The following ABLIM2 variants were observed in gnomAD, a reference collection of about 807,000 sequenced individuals.
ABLIM2 encodes actin-binding LIM protein 2.
Under a neutral mutation model 97.7 loss-of-function variants are expected in ABLIM2, and 53 were observed. That is an observed-to-expected ratio of 0.54 (90% CI 0.44 to 0.68). ABLIM2 has a LOEUF of 0.68. Ranked by LOEUF, ABLIM2 falls within the 30% of genes least tolerant of loss-of-function variation. The pLI is 0.00. For missense variants in ABLIM2, 835 were observed against 867.2 expected (o/e 0.96, Z 0.47); for synonymous variants, 361 against 345.8 (o/e 1.04, Z -0.49).
At position 8,123,020 on chromosome 4, in the gene ABLIM2, A is replaced by G. The variant is rs372249069; in HGVS notation, c.11-16383T>C. On this transcript the variant is annotated intron_variant, in intron 1 of 20. Transcript: ENST00000447017. The surrounding 1 kb of genome is among the most constrained non-coding windows in gnomAD (Gnocchi z 6.2). ...CCTCCCCTGGCGTTCCCACTCTGCA[A>G]GCCTCCTTCCTATCTGCTGCTGCTC... Among the ~76,000 whole-genome samples the G allele has an allele frequency of 6.6e-6, 1 of 152,136 alleles. No individual in the cohort carries two copies. The highest frequency in any genetic ancestry group is 1.5e-5 in the Non-Finnish European group (1 of 68,012).
chr4:8,117,002 G>A (rs1247077792), intron 1 of ABLIM2, among the ~76,000 whole-genome samples: 1 of 152,184 alleles, frequency 6.6e-6, no homozygotes, highest in Non-Finnish European at 1.5e-5. Context: ...GGCGACGCCT[G>A]GTCTCCTCAC....
In ABLIM2 at chr4:8,113,040, G is replaced by A. The variant is rs868591472; in HGVS notation, c.11-6403C>T. Among the ~76,000 whole-genome samples, 23 of 152,190 alleles carry A rather than the reference G, an allele frequency of 1.5e-4. No individual in the cohort carries two copies. The highest frequency in any genetic ancestry group is 2.1e-4 in the Non-Finnish European group (14 of 68,028). On this transcript the variant is annotated intron_variant, in intron 1 of 20. Coordinates refer to ENST00000447017, the MANE Select transcript of ABLIM2 (RefSeq NM_001130083.2). The surrounding 1 kb of genome is among the most constrained non-coding windows in gnomAD (Gnocchi z 4.5). ...GGGCAAACTCCTCTTTCTGTCCAGCGAACCAGCTCTCACGACCCAGACAGC... is the reference window on the plus strand; with the variant it reads ...GGGCAAACTCCTCTTTCTGTCCAGCAAACCAGCTCTCACGACCCAGACAGC...
chr4:8,079,788 C>T (rs1479996328), intron 5 of ABLIM2, among the ~76,000 whole-genome samples: 1 of 152,174 alleles, frequency 6.6e-6, no homozygotes, highest in African/African-American at 2.4e-5. Flanking sequence ...GCGCGCCTCA[C>T]TCCATGCAGT....
chr4:8,040,182 G>A (rs1787426914), intron 9 of ABLIM2, among the ~76,000 whole-genome samples: 1 of 152,166 alleles, frequency 6.6e-6, no homozygotes, highest in Non-Finnish European at 1.5e-5. Context: ...AGCAGGCAGG[G>A]GTGGGCAGCT....
rs1820298589 is a variant in ABLIM2 at position 8,082,140 on chromosome 4, T to C, written c.455-1338A>G. ...AGAGGGTGTCTGACAAACAGGGCCT[T>C]GCCGCCTGCAGGAGCCCCTGAGTAA... On this transcript the variant is annotated intron_variant, in intron 4 of 20. Coordinates refer to ENST00000447017, the MANE Select transcript of ABLIM2 (RefSeq NM_001130083.2). The surrounding 1 kb of genome is among the most constrained non-coding windows in gnomAD (Gnocchi z 5.6). Among the ~76,000 whole-genome samples, 1 of 152,058 alleles carries C rather than the reference T, an allele frequency of 6.6e-6. No homozygotes were observed.
In ABLIM2 at chr4:8,061,156, C is replaced by A. The variant is rs755479689; in HGVS notation, c.676-102G>T. The A allele has an allele frequency of 4.1e-6, 4 of 969,140 alleles. No individual in the cohort carries two copies. Among genetic ancestry groups the A allele is most frequent in the Non-Finnish European group, 6.3e-6 (4 of 638,814 alleles). 60.0% of individuals were successfully genotyped at this position (969,140 alleles called of 1,614,324 possible). A position where few individuals can be genotyped will look rare whatever the true frequency, so the allele number is the denominator to read the frequency against. ...ACAGCATGCCCTGAGCACAGGTACT[C>A]AGGGGATACTGGAAGGGCCAGCCCC... On this transcript the variant is annotated intron_variant, in intron 6 of 20. Coordinates refer to ENST00000447017, the MANE Select transcript of ABLIM2 (RefSeq NM_001130083.2). The surrounding 1 kb of genome is among the most constrained non-coding windows in gnomAD (Gnocchi z 4.5).
chr4:8,059,521 G>A (rs1388458860), intron 7 of ABLIM2, among the ~76,000 whole-genome samples: 2 of 151,580 alleles, frequency 1.3e-5, no homozygotes, highest in African/African-American at 2.4e-5. Flanking sequence ...CCTGTCCCCC[G>A]GCCCCCCCAC....
Position 8,095,033 on chromosome 4 carries a change from T to TTTCC in ABLIM2, c.338+2062_338+2065dup, listed in dbSNP as rs1021566411. 1.5e-5 allele frequency among the ~76,000 whole-genome samples: 2 copies of TTTCC among 135,292 alleles called. No individual in the cohort carries two copies. The highest frequency in any genetic ancestry group is 7.6e-5 in the Admixed American group (1 of 13,094). 88.8% of individuals were successfully genotyped at this position (135,292 alleles called of 152,430 possible). A position where few individuals can be genotyped will look rare whatever the true frequency, so the allele number is the denominator to read the frequency against. Reference sequence around the variant, plus strand: ...TTCTCTCTCTCTCTCCCCCCACTTCTTTCCTTCCTTCCTTCTTTCTTTCTT... The same window carrying TTTCC: ...TTCTCTCTCTCTCTCCCCCCACTTCTTTCCTTCCTTCCTTCCTTCTTTCTTTCTT... On this transcript the variant is annotated intron_variant, in intron 3 of 20. Transcript: ENST00000447017. The surrounding 1 kb of genome is among the most constrained non-coding windows in gnomAD (Gnocchi z 4.7).
Position 8,001,420 on chromosome 4 carries a change from C to G in ABLIM2, c.1618+6639G>C, listed in dbSNP as rs1055531888. On this transcript the variant is annotated intron_variant, in intron 16 of 20. Coordinates refer to ENST00000447017, the MANE Select transcript of ABLIM2 (RefSeq NM_001130083.2). This position sits in a 1 kb window ranked among gnomAD's most constrained non-coding sequence, Gnocchi z 4.2. ...TTCCGGCTGAAGGCTAGTCCCCAGG[C>G]AACCCAACGGCAGCGGCTGCTCCCT... Among the ~76,000 whole-genome samples, 2 of 152,148 alleles carry G rather than the reference C, an allele frequency of 1.3e-5. No homozygotes were observed. Among genetic ancestry groups the G allele is most frequent in the African/African-American group, 2.4e-5 (1 of 41,446 alleles).
In ABLIM2 at chr4:8,113,977, G is replaced by A. The variant is rs1299274851; in HGVS notation, c.11-7340C>T. Among the ~76,000 whole-genome samples, 1 of 152,032 alleles carries A rather than the reference G, an allele frequency of 6.6e-6. No homozygotes were observed. The highest frequency in any genetic ancestry group is 1.5e-5 in the Non-Finnish European group (1 of 68,016). ...TACAATCAGGGAGGGCTTCTGGGAG[G>A]AGGTGACATAAACTAGAAGCTCAGA... On this transcript the variant is annotated intron_variant, in intron 1 of 20. Transcript: ENST00000447017. The surrounding 1 kb of genome is among the most constrained non-coding windows in gnomAD (Gnocchi z 4.5).
rs1235026938 is a variant in ABLIM2, at chr4:7,986,689, T to C, written c.1681-1796A>G. ...TTCACAAAGAATTTCTTTTTTTTCT[T>C]TGAGACAGAGTCTTGCTCTGTCAGC... On this transcript the variant is annotated intron_variant, in intron 17 of 20. Coordinates refer to ENST00000447017, the MANE Select transcript of ABLIM2 (RefSeq NM_001130083.2). The surrounding 1 kb of genome is among the most constrained non-coding windows in gnomAD (Gnocchi z 4.3). 1.3e-5 allele frequency among the ~76,000 whole-genome samples: 2 copies of C among 152,140 alleles called. No homozygotes were observed. The highest frequency in any genetic ancestry group is 6.5e-5 in the Admixed American group (1 of 15,276).
chr4:8,105,427 G>A (rs1460298013), intron 2 of ABLIM2, among the ~76,000 whole-genome samples: 1 of 152,228 alleles, frequency 6.6e-6, no homozygotes, highest in Non-Finnish European at 1.5e-5. Flanking sequence ...AGAGCCTGGC[G>A]CACAGCAGGG....
chr4:8,055,859 T>C (rs150409160), intron 7 of ABLIM2, among the ~76,000 whole-genome samples: 7 of 152,230 alleles, frequency 4.6e-5, no homozygotes, highest in Admixed American at 6.5e-5. Context: ...ACGCCTGTAA[T>C]CCCAGCACTT....
Position 8,048,042 on chromosome 4 carries a change from T to C in ABLIM2, c.823-2801A>G, listed in dbSNP as rs577179765. On this transcript the variant is annotated intron_variant, in intron 8 of 20. Transcript: ENST00000447017. ...CATATGGGAGGGAGGGAGCGTTGGC[T>C]GGTTTCAGCACGGGGCCAGGGGCCA... Among the ~76,000 whole-genome samples the C allele has an allele frequency of 1.1e-4, 17 of 152,342 alleles. No individual in the cohort carries two copies. The East Asian group carries it at 3.3e-3, about 29-fold the overall frequency.
intron 7 of ABLIM2, among the ~76,000 whole-genome samples, chr4:8,060,689 C>T (rs1802406864): frequency 3.3e-5 from 5 of 152,184 alleles, no homozygotes; most frequent in Admixed American, 3.3e-4. Flanking sequence ...TACTTGGAGC[C>T]AAATAGCCAG....
intron 8 of ABLIM2, among the ~76,000 whole-genome samples, chr4:8,050,410 G>C (rs571834590): frequency 6.6e-6 from 1 of 152,256 alleles, no homozygotes; most frequent in Non-Finnish European, 1.5e-5. Context: ...CCTTTCCTGG[G>C]GCCAGGTGCT....
In ABLIM2 at chr4:8,150,997, G is replaced by T. The variant is rs902894361; in HGVS notation, c.10+7683C>A. ...CTGCCCGTTCCCTGGTGCCTGCCGTGCCCAGGCCCTTGACTCTCACTCAGC... is the reference window on the plus strand; with the variant it reads ...CTGCCCGTTCCCTGGTGCCTGCCGTTCCCAGGCCCTTGACTCTCACTCAGC... On this transcript the variant is annotated intron_variant, in intron 1 of 20. Coordinates refer to ENST00000447017, the MANE Select transcript of ABLIM2 (RefSeq NM_001130083.2). The surrounding 1 kb of genome is among the most constrained non-coding windows in gnomAD (Gnocchi z 6.3). Among the ~76,000 whole-genome samples the T allele has an allele frequency of 6.6e-6, 1 of 152,158 alleles. No individual in the cohort carries two copies. The highest frequency in any genetic ancestry group is 6.5e-5 in the Admixed American group (1 of 15,270).
Position 8,067,883 on chromosome 4 carries a change from C to T in ABLIM2, c.676-6829G>A, listed in dbSNP as rs113566683. Among the ~76,000 whole-genome samples the T allele has an allele frequency of 2.2e-4, 33 of 152,168 alleles. No homozygotes were observed. The highest frequency in any genetic ancestry group is 1.3e-3 in the Admixed American group (20 of 15,280). On this transcript the variant is annotated intron_variant, in intron 6 of 20. Coordinates refer to ENST00000447017, the MANE Select transcript of ABLIM2 (RefSeq NM_001130083.2). This position sits in a 1 kb window ranked among gnomAD's most constrained non-coding sequence, Gnocchi z 5.4. ...CCCTCTCAGGCTGGGGTAGTATAACCGGGCTCTGTGATTCCAGAGGACATT... is the reference window on the plus strand; with the variant it reads ...CCCTCTCAGGCTGGGGTAGTATAACTGGGCTCTGTGATTCCAGAGGACATT...
chr4:8,148,605 G>A lies in ABLIM2; in HGVS notation c.10+10075C>T, dbSNP rs10213499. On this transcript the variant is annotated intron_variant, in intron 1 of 20. Transcript: ENST00000447017. The surrounding 1 kb of genome is among the most constrained non-coding windows in gnomAD (Gnocchi z 6.7). Reference sequence around the variant, plus strand: ...GGATTATAGGGTGAAAGCACATCGCGGTGCTGGGTCCACACTGGGGAAGCG... The same window carrying A: ...GGATTATAGGGTGAAAGCACATCGCAGTGCTGGGTCCACACTGGGGAAGCG... Among the ~76,000 whole-genome samples the A allele has an allele frequency of 6.1e-5, 7 of 115,564 alleles. No individual in the cohort carries two copies. The highest frequency in any genetic ancestry group is 2.4e-4 in the Admixed American group (3 of 12,636). The allele number at this position is 115,564 out of a possible 152,430, so 75.8% of individuals were successfully genotyped here. A position where few individuals can be genotyped will look rare whatever the true frequency, so the allele number is the denominator to read the frequency against.
Sources: gnomAD v4.1 joint callset for allele counts (sites outside exome capture counted in the v4.1 genomes callset) on GRCh38, gnomAD v4.1.1 for gene constraint, Gnocchi (gnomAD v3.1) non-coding constraint, MANE v1.5 for transcripts, NCBI Gene and HGNC (gene_info 2026-07-23, HGNC 2026-07-21) for gene names.